RNF168: variants seen among roughly 807,000 people sequenced by gnomAD.
RNF168 encodes the protein E3 ubiquitin-protein ligase RNF168.
In RNF168, 34 loss-of-function variants were observed where a neutral mutation model predicts 34.9. The observed-to-expected ratio is 0.97, with a 90% CI of 0.74 to 1.30. RNF168 has a LOEUF of 1.30. RNF168 is among the 50% of genes most tolerant of loss of function. The pLI, the probability that RNF168 is intolerant of heterozygous loss-of-function variation, is 0.00. For synonymous variants in RNF168, 264 were observed against 254.7 expected (o/e 1.04, Z -0.35); for missense variants, 725 against 682.5 (o/e 1.06, Z -0.69).
At chr3:196,488,481 C>CAA (rs34023868) in intron 2 of RNF168, 126 bp downstream of exon 2, 13,134 of 478,238 alleles carry the variant, frequency 0.027, 10 homozygotes, top group Middle Eastern at 0.039. Context: ...GACTCCATCT[C>CAA]AAAAAAAAAA....
chr3:196,503,248 G>C lies in RNF168; in HGVS notation c.-75C>G, dbSNP rs1302574740. 1.5e-6 allele frequency: 2 copies of C among 1,323,822 alleles called. No individual in the cohort carries two copies. Among genetic ancestry groups the C allele is most frequent in the Non-Finnish European group, 2.2e-6 (2 of 924,000 alleles). The allele number at this position is 1,323,822 out of a possible 1,614,324, so 82.0% of individuals were successfully genotyped here. A position where few individuals can be genotyped will look rare whatever the true frequency, so the allele number is the denominator to read the frequency against. On this transcript the variant is annotated 5_prime_UTR_variant, in exon 1 of 6. Coordinates refer to ENST00000318037, the MANE Select transcript of RNF168 (RefSeq NM_152617.4). The stretch of plus-strand genomic sequence containing the variant: ...AATCCTATTTTCGGCCAACCACAGA[G>C]AGAGCAAAAGCAGTTTTGTGTTTCA...
In RNF168 at chr3:196,487,679, A is replaced by C. The variant is rs1577516549; in HGVS notation, c.379-101T>G. On this transcript the variant is annotated intron_variant, in intron 2 of 5. Coordinates refer to ENST00000318037, the MANE Select transcript of RNF168 (RefSeq NM_152617.4). Reference sequence around the variant, plus strand: ...AAAAGTAGAAAAAGAACAAATTGGCAGAAATTTAAATGATCTCAAATGAAG... The same window carrying C: ...AAAAGTAGAAAAAGAACAAATTGGCCGAAATTTAAATGATCTCAAATGAAG... 3 of 1,117,526 alleles carry C rather than the reference A, an allele frequency of 2.7e-6. No individual in the cohort carries two copies. The East Asian group carries it at 7.5e-5, about 28-fold the overall frequency. The allele number at this position is 1,117,526 out of a possible 1,614,324, so 69.2% of individuals were successfully genotyped here.
chr3:196,472,463 T>G lies in RNF168; in HGVS notation c.1072A>C (p.Thr358Pro), dbSNP rs2108644062. 1 of 1,614,144 alleles carries G rather than the reference T, an allele frequency of 6.2e-7. No individual in the cohort carries two copies. Among genetic ancestry groups the G allele is most frequent in the Non-Finnish European group, 8.5e-7 (1 of 1,180,004 alleles). The part of the protein sequence containing the change: ...CGRTESGCAP[T>P]SGVTQTNGNN... ...CCATTTGTCTGTGTCACCCCTGATG[T>G]GGGGGCGCACCCACTTTCTGTTCTG... Residue 358 changes from threonine to proline, a missense_variant, in exon 6 of 6, where the codon ACA becomes CCA. Transcript: ENST00000318037.
chr3:196,474,445 T>C (rs1221748530), intron 5 of RNF168, among the ~76,000 whole-genome samples: 1 of 146,122 alleles, frequency 6.8e-6, no homozygotes, highest in Admixed American at 6.7e-5. Context: ...TCTTGTAATA[T>C]TCTTTTTTTT....
chr3:196,473,855 T>C (rs1732073943), intron 5 of RNF168, among the ~76,000 whole-genome samples: 1 of 151,774 alleles, frequency 6.6e-6, no homozygotes, highest in Non-Finnish European at 1.5e-5. Context: ...AAATACCTAG[T>C]GTTTGGAAGA....
chr3:196,501,455 A>T (rs948162530), intron 1 of RNF168, among the ~76,000 whole-genome samples: 1 of 152,208 alleles, frequency 6.6e-6, no homozygotes, highest in Non-Finnish European at 1.5e-5. Context: ...AAGTGAAATA[A>T]GCTAGACACA....
Position 196,474,275 on chromosome 3 carries a change from G to A in RNF168, c.762+956C>T, listed in dbSNP as rs545249405. Among the ~76,000 whole-genome samples the A allele has an allele frequency of 2.7e-5, 4 of 147,290 alleles. No individual in the cohort carries two copies. In the East Asian group the frequency reaches 5.9e-4, roughly 22 times the overall value. On this transcript the variant is annotated intron_variant, in intron 5 of 5. Coordinates refer to ENST00000318037, the MANE Select transcript of RNF168 (RefSeq NM_152617.4). ...CCTGAGTAGCAGGGACTACAGGTAT[G>A]TGCCACACCTGGCTAATTTTTTTTT...
Position 196,503,373 on chromosome 3 carries a change from C to A in RNF168, c.-200G>T. On this transcript the variant is annotated 5_prime_UTR_variant, in exon 1 of 6. Transcript: ENST00000318037. ...CAGGGTCAGGCAAACAGGAATACCC[C>A]GGAGGGCGGCGTCTTTGTCCATTTT... 1 of 604,606 alleles carries A rather than the reference C, an allele frequency of 1.7e-6. No homozygotes were observed. The highest frequency in any genetic ancestry group is 2.9e-6 in the Non-Finnish European group (1 of 339,848). 37.5% of individuals were successfully genotyped at this position (604,606 alleles called of 1,614,324 possible). A position where few individuals can be genotyped will look rare whatever the true frequency, so the allele number is the denominator to read the frequency against.
At position 196,492,000 on chromosome 3, in the gene RNF168, T is replaced by C. The variant is rs1050386028; in HGVS notation, c.302-3317A>G. On this transcript the variant is annotated intron_variant, in intron 1 of 5. Coordinates refer to ENST00000318037, the MANE Select transcript of RNF168 (RefSeq NM_152617.4). The stretch of plus-strand genomic sequence containing the variant: ...AGGGGAGGGGTGAATGGGGAATTAA[T>C]TATTGTTTAATGGGCAGTTTCAAGC... 3.3e-4 allele frequency among the ~76,000 whole-genome samples: 50 copies of C among 152,284 alleles called. 1 individual carries two copies. The highest frequency in any genetic ancestry group is 1.2e-3 in the African/African-American group (49 of 41,566).
chr3:196,487,743 C>T (rs1732491836), intron 2 of RNF168, among the ~76,000 whole-genome samples, 165 bp from the exon 3 acceptor site: 1 of 152,146 alleles, frequency 6.6e-6, no homozygotes, highest in Non-Finnish European at 1.5e-5. Context: ...AGATAGCTGT[C>T]CCATCTCAGC....
intron 4 of RNF168, among the ~76,000 whole-genome samples, chr3:196,478,506 C>T (rs1224642875): frequency 2.0e-5 from 3 of 152,172 alleles, no homozygotes; most frequent in Non-Finnish European, 4.4e-5. Context: ...GGGAGTCGCT[C>T]TCGGCCTACT....
At chr3:196,496,833 G>A (rs770083703) in intron 1 of RNF168, among the ~76,000 whole-genome samples, 10 of 152,056 alleles carry the variant, frequency 6.6e-5, no homozygotes, top group East Asian at 1.9e-4. Flanking sequence ...GCAAAACCCC[G>A]TCTCTACATA....
chr3:196,488,411 G>A (rs555300874), intron 2 of RNF168, among the ~76,000 whole-genome samples, 196 bp downstream of exon 2: 2 of 152,042 alleles, frequency 1.3e-5, no homozygotes, highest in South Asian at 2.1e-4. Flanking sequence ...GAACCCGGGA[G>A]GTGGAGGTTG....
At chr3:196,502,799 A>T in intron 1 of RNF168, 74 bp downstream of exon 1, 1 of 1,369,592 alleles carries the variant, frequency 7.3e-7, no homozygotes, top group Non-Finnish European at 1.0e-6. Flanking sequence ...TTTACTTTTT[A>T]AATGGAAAAG....
At chr3:196,495,071 AT>A (rs1577521294) in intron 1 of RNF168, among the ~76,000 whole-genome samples, 1 of 152,190 alleles carries the variant, frequency 6.6e-6, no homozygotes. Flanking sequence ...CTCAATATTT[AT>A]TTTGAAAATT....
At chr3:196,480,117 T>G (rs897922565) in intron 4 of RNF168, among the ~76,000 whole-genome samples, 2 of 152,190 alleles carry the variant, frequency 1.3e-5, no homozygotes, top group African/African-American at 4.8e-5. Flanking sequence ...CACCAGAAAG[T>G]ATACTTAGGA....
rs1337048381 is a variant in RNF168 at position 196,471,199 on chromosome 3, A to T, written c.*620T>A. 185 of 70,804 alleles carry T rather than the reference A, an allele frequency of 2.6e-3. 4 individuals are homozygous for T. The highest frequency in any genetic ancestry group is 0.02 in the African/African-American group (181 of 9,166). 4.4% of individuals were successfully genotyped at this position (70,804 alleles called of 1,614,324 possible). A position where few individuals can be genotyped will look rare whatever the true frequency, so the allele number is the denominator to read the frequency against. ...TGACAGAGCAAGACTCTGTCTCCAA[A>T]AAAAAAAAAAAAAAAAAAAAAAAAA... On this transcript the variant is annotated 3_prime_UTR_variant, in exon 6 of 6. Coordinates refer to ENST00000318037, the MANE Select transcript of RNF168 (RefSeq NM_152617.4).
chr3:196,471,972 C>T lies in RNF168; in HGVS notation c.1563G>A (p.Val521=), dbSNP rs758098155. Residue 521 remains valine, a synonymous_variant, in exon 6 of 6, where the codon GTG becomes GTA. Transcript: ENST00000318037. ...ERGSRDKNRQ[V]SLKMQLKQSV... ...ACTGCTTCAACTGCATCTTTAAAGA[C>T]ACTTGCCTATTTTTGTCCCTTGAGC... The T allele has an allele frequency of 1.2e-6, 2 of 1,614,188 alleles. No homozygotes were observed. Among genetic ancestry groups the T allele is most frequent in the Non-Finnish European group, 1.7e-6 (2 of 1,180,018 alleles).
intron 4 of RNF168, among the ~76,000 whole-genome samples, chr3:196,478,866 C>T (rs890310284): frequency 8.7e-5 from 13 of 149,540 alleles, no homozygotes; most frequent in Non-Finnish European, 1.8e-4. Flanking sequence ...AGGCTGATCT[C>T]GAATGCCTGA....
Sources: gnomAD v4.1 joint callset for allele counts (sites outside exome capture counted in the v4.1 genomes callset) on GRCh38, gnomAD v4.1.1 for gene constraint, MANE v1.5 for transcripts, NCBI Gene and HGNC (gene_info 2026-07-23, HGNC 2026-07-21) for gene names.